Variants in TENM2 observed in about 807,000 individuals in gnomAD.
TENM2 encodes teneurin transmembrane protein 2.
A neutral mutation model predicts 245.2 loss-of-function variants in TENM2; 52 were observed. The observed-to-expected ratio is 0.21, with a 90% CI of 0.17 to 0.27. The LOEUF is 0.27. Ranked by LOEUF, TENM2 falls within the 10% of genes least tolerant of loss-of-function variation. The probability of loss-of-function intolerance (pLI) is 1.00; values close to 1 mark genes in which losing one functional copy is unlikely to be tolerated. For missense variants in TENM2, 3,046 were observed against 3,666.8 expected, an observed-to-expected ratio of 0.83 and a Z score of 4.37; for synonymous variants, 1,363 against 1,438.9, an observed-to-expected ratio of 0.95 and a Z score of 1.19.
At chr5:167,929,113 GAAA>G (rs1778065602) in intron 3 of TENM2, among the ~76,000 whole-genome samples, 2 of 71,944 alleles carry the variant, frequency 2.8e-5, no homozygotes, top group South Asian at 5.1e-4. Flanking sequence ...AAGAAAGAAA[GAAA>G]GAAAGAAAGA....
At chr5:168,025,405 T>C (rs1786517872) in intron 5 of TENM2, among the ~76,000 whole-genome samples, 1 of 152,208 alleles carries the variant, frequency 6.6e-6, no homozygotes, top group African/African-American at 2.4e-5. Context: ...TGGAAATTGG[T>C]TTGGAAAGTA....
intron 3 of TENM2, among the ~76,000 whole-genome samples, chr5:167,911,293 G>A (rs1220421512): frequency 1.3e-5 from 2 of 152,168 alleles, no homozygotes; most frequent in Admixed American, 6.5e-5. Context: ...TTGGGAGGCC[G>A]AGACGGACGG....
intron 5 of TENM2, among the ~76,000 whole-genome samples, chr5:168,022,406 T>G (rs913954563): frequency 3.9e-5 from 6 of 152,360 alleles, no homozygotes; most frequent in South Asian, 2.1e-4. Flanking sequence ...TTTCAACGAG[T>G]GCCAAGCCCT....
intron 2 of TENM2, among the ~76,000 whole-genome samples, chr5:167,399,111 C>T (rs1165172513): frequency 3.3e-5 from 5 of 152,124 alleles, no homozygotes; most frequent in Admixed American, 6.6e-5. Flanking sequence ...CTGTCACAAG[C>T]GGGAGTTCTG....
intron 2 of TENM2, among the ~76,000 whole-genome samples, chr5:167,451,749 T>G (rs760770957): frequency 1.3e-5 from 2 of 151,914 alleles, no homozygotes; most frequent in African/African-American, 4.8e-5. Flanking sequence ...CCCGGGTTCA[T>G]GCCATTCTTC....
At chr5:168,237,432 C>A (rs1227417917) in intron 25 of TENM2, among the ~76,000 whole-genome samples, 1 of 152,006 alleles carries the variant, frequency 6.6e-6, no homozygotes, top group Non-Finnish European at 1.5e-5. Context: ...TCATTGAGCA[C>A]CAAGCACTTT....
intron 2 of TENM2, among the ~76,000 whole-genome samples, chr5:167,760,179 C>T (rs1762571569): frequency 6.6e-6 from 1 of 152,176 alleles, no homozygotes; most frequent in Admixed American, 6.5e-5. Flanking sequence ...AATGGCTTTG[C>T]TCCTGGTCTT....
intron 2 of TENM2, among the ~76,000 whole-genome samples, chr5:167,593,789 G>A (rs189396900): frequency 1.5e-4 from 23 of 152,258 alleles, no homozygotes; most frequent in Non-Finnish European, 2.5e-4. Context: ...TCCTGGTGTC[G>A]GAGATAAACC....
chr5:167,073,111 C>A, the TENM2 span, among the ~76,000 whole-genome samples: 30 of 152,104 alleles, frequency 2.0e-4, no homozygotes, highest in Non-Finnish European at 3.7e-4. Flanking sequence ...ATAAGGTGTG[C>A]GATTTAGTCC....
At chr5:167,239,177 A>G in the TENM2 span, among the ~76,000 whole-genome samples, 2 of 152,208 alleles carry the variant, frequency 1.3e-5, no homozygotes, top group East Asian at 1.9e-4. Context: ...TTATCTAACT[A>G]TAAGTTATAA....
intron 23 of TENM2, among the ~76,000 whole-genome samples, chr5:168,220,000 T>G (rs1240822909): frequency 6.6e-6 from 1 of 152,090 alleles, no homozygotes; most frequent in Non-Finnish European, 1.5e-5. Context: ...GCAGAAGAAT[T>G]GCTTCCCCTG....
chr5:167,568,954 T>A (rs1011440163), intron 2 of TENM2, among the ~76,000 whole-genome samples: 2 of 152,010 alleles, frequency 1.3e-5, no homozygotes, highest in Non-Finnish European at 2.9e-5. Flanking sequence ...CTTAAAAGGA[T>A]GACTATCAGC....
At chr5:168,202,735 C>T (rs1762033673) in intron 17 of TENM2, among the ~76,000 whole-genome samples, 1 of 151,894 alleles carries the variant, frequency 6.6e-6, no homozygotes, top group Non-Finnish European at 1.5e-5. Context: ...AAAAATGCAT[C>T]CTCCATTCAT....
chr5:168,047,846 G>A (rs1027475565), intron 6 of TENM2, among the ~76,000 whole-genome samples: 8 of 152,164 alleles, frequency 5.3e-5, no homozygotes, highest in Non-Finnish European at 1.2e-4. Flanking sequence ...GCATCCCAGG[G>A]CCTGTGCAGA....
At position 168,087,080 on chromosome 5, in the gene TENM2, A is replaced by G. The variant is rs1316948341; in HGVS notation, c.1516-3494A>G. On this transcript the variant is annotated intron_variant, in intron 7 of 28. Coordinates refer to ENST00000518659, the Ensembl canonical transcript of TENM2. Reference sequence around the variant, plus strand: ...ATTTCTAGCCTCTAGCCCTTGCCCAAGTTATAGCAGCAGTGAATGATGCTG... The same window carrying G: ...ATTTCTAGCCTCTAGCCCTTGCCCAGGTTATAGCAGCAGTGAATGATGCTG... 3.3e-5 allele frequency among the ~76,000 whole-genome samples: 5 copies of G among 152,182 alleles called. No homozygotes were observed. The East Asian group carries it at 7.7e-4, about 23-fold the overall frequency.
chr5:167,483,759 C>T (rs1393761373), intron 2 of TENM2, among the ~76,000 whole-genome samples: 1 of 152,078 alleles, frequency 6.6e-6, no homozygotes, highest in Non-Finnish European at 1.5e-5. Flanking sequence ...ATTAACTCAC[C>T]TTATTTTTTA....
Position 168,209,448 on chromosome 5 carries a change from T to C in TENM2, c.3825-2286T>C, listed in dbSNP as rs75672249. Among the ~76,000 whole-genome samples the C allele has an allele frequency of 3.0e-3, 461 of 152,350 alleles. 3 individuals carry two copies. Among genetic ancestry groups the C allele is most frequent in the African/African-American group, 0.011 (437 of 41,580 alleles). On this transcript the variant is annotated intron_variant, in intron 19 of 28. Transcript: ENST00000518659. ...AAAGACATTCCTATTCAAGAATGGC[T>C]AGCAACCATTTAACTGGGTGCTAAA... is the stretch of plus-strand genomic sequence containing the variant.
chr5:167,411,878 TTGAC>T (rs200951147), intron 2 of TENM2, among the ~76,000 whole-genome samples: 6 of 78,800 alleles, frequency 7.6e-5, no homozygotes, highest in African/African-American at 1.8e-4. Context: ...TACATTTGTG[TTGAC>T]TGACTGCTGA....
chr5:168,122,016 G>T (rs561706733), intron 10 of TENM2, among the ~76,000 whole-genome samples: 50 of 152,110 alleles, frequency 3.3e-4, no homozygotes, highest in Non-Finnish European at 5.1e-4. Flanking sequence ...GCTTCCTATC[G>T]GTCCTTTCTC....
Sources: allele counts gnomAD v4.1 joint callset (sites outside exome capture counted in the v4.1 genomes callset), GRCh38; gene constraint gnomAD v4.1.1; transcripts MANE v1.5; gene names NCBI Gene and HGNC (gene_info 2026-07-23, HGNC 2026-07-21).